Variants in FAM234B observed in about 807,000 individuals in gnomAD.
FAM234B encodes protein FAM234B.
FAM234B carries 33 observed loss-of-function variants against 69.3 expected under a neutral mutation model. The observed-to-expected ratio is 0.48, with a 90% CI of 0.36 to 0.64. The LOEUF (loss-of-function observed/expected upper bound fraction) is 0.64, where lower values mean the gene tolerates loss of function less well. Among genes scored for constraint, FAM234B ranks in the 30% least tolerant of loss-of-function variants. FAM234B has a pLI of 0.00. For synonymous variants in FAM234B, 306 were observed against 306.9 expected, an observed-to-expected ratio of 1.00 and a Z score of 0.03; for missense variants, 697 against 769.7, an observed-to-expected ratio of 0.91 and a Z score of 1.12.
At position 13,082,987 on chromosome 12, in the gene FAM234B, C is replaced by A. The variant is rs1016003601; in HGVS notation, c.*2357C>A. The A allele has an allele frequency of 3.3e-5, 5 of 152,186 alleles. No homozygotes were observed. The highest frequency in any genetic ancestry group is 1.2e-4 in the African/African-American group (5 of 41,432). 9.4% of individuals were successfully genotyped at this position (152,186 alleles called of 1,614,324 possible). ...CAAACAACATTATAAGTTTAGTTTT[C>A]TTCTTCCTCTTGCAGCCGGTACAGA... On this transcript the variant is annotated 3_prime_UTR_variant, in exon 13 of 13. Coordinates refer to ENST00000197268, the MANE Select transcript of FAM234B (RefSeq NM_020853.2).
chr12:13,055,057 T>C (rs976602821), intron 1 of FAM234B, among the ~76,000 whole-genome samples: 2 of 152,192 alleles, frequency 1.3e-5, no homozygotes, highest in Non-Finnish European at 2.9e-5. Flanking sequence ...GTTGTTTCCA[T>C]AGAAACAGTT....
chr12:13,048,994 T>G (rs1274887879), intron 1 of FAM234B, among the ~76,000 whole-genome samples: 1 of 152,148 alleles, frequency 6.6e-6, no homozygotes, highest in African/African-American at 2.4e-5. Context: ...GATTCAGTTA[T>G]CTCCCACTGG....
rs1864968408 is a variant in FAM234B, at chr12:13,059,970, CTG to C, written c.532+1423_532+1424del. Among the ~76,000 whole-genome samples the C allele has an allele frequency of 2.6e-5, 4 of 152,338 alleles. No homozygotes were observed. In the South Asian group the frequency reaches 8.3e-4, roughly 32 times the overall value. On this transcript the variant is annotated intron_variant, in intron 3 of 12. Transcript: ENST00000197268. ...TGGACCAGGCTGATTTGGCCACAGA[CTG>C]TACAAATAAGGATATAGCGAACATA...
At chr12:13,072,908 T>G (rs964966508) in intron 10 of FAM234B, among the ~76,000 whole-genome samples, 6 of 152,098 alleles carry the variant, frequency 3.9e-5, no homozygotes, top group Non-Finnish European at 7.4e-5. Flanking sequence ...GAGAGCCCTT[T>G]AAAGATTTCT....
intron 1 of FAM234B, among the ~76,000 whole-genome samples, chr12:13,053,934 A>T (rs542348159): frequency 6.6e-6 from 1 of 152,248 alleles, no homozygotes. Context: ...TAATTCAGTG[A>T]TATCTTCCCT....
chr12:13,076,277 G>C, intron 11 of FAM234B, 134 bp downstream of exon 11: 1 of 705,362 alleles, frequency 1.4e-6, no homozygotes, highest in Non-Finnish European at 2.5e-6. Context: ...ACTTTCCCTG[G>C]TGTCCCTGGT....
chr12:13,047,122 G>A lies in FAM234B; in HGVS notation c.37+2682G>A, dbSNP rs531633298. ...TTGATGTAATAGTGAGCTATTGACAGATCTCAGCAGTCTTGTTATGAAAGA... is the reference window on the plus strand; with the variant it reads ...TTGATGTAATAGTGAGCTATTGACAAATCTCAGCAGTCTTGTTATGAAAGA... On this transcript the variant is annotated intron_variant, in intron 1 of 12. Transcript: ENST00000197268. Among the ~76,000 whole-genome samples, 13 of 152,304 alleles carry A rather than the reference G, an allele frequency of 8.5e-5. No homozygotes were observed. The East Asian group carries it at 2.5e-3, about 29-fold the overall frequency.
intron 1 of FAM234B, 132 bp from the exon 2 acceptor site, chr12:13,055,419 C>A: frequency 1.1e-6 from 1 of 875,840 alleles, no homozygotes; most frequent in South Asian, 2.2e-5. Flanking sequence ...CACCAAGGTT[C>A]AAACTTGATG....
intron 10 of FAM234B, among the ~76,000 whole-genome samples, chr12:13,071,905 C>T (rs972710348): frequency 2.0e-5 from 3 of 152,158 alleles, no homozygotes; most frequent in Non-Finnish European, 4.4e-5. Flanking sequence ...GAAGGTCTGA[C>T]ACCTAGAAGG....
At chr12:13,059,512 A>G (rs1399908095) in intron 3 of FAM234B, among the ~76,000 whole-genome samples, 1 of 152,200 alleles carries the variant, frequency 6.6e-6, no homozygotes, top group African/African-American at 2.4e-5. Context: ...TAAGTACACA[A>G]GGCTTTTGGT....
intron 1 of FAM234B, among the ~76,000 whole-genome samples, chr12:13,046,632 G>C (rs1864815989): frequency 6.6e-6 from 1 of 152,030 alleles, no homozygotes; most frequent in Non-Finnish European, 1.5e-5. Context: ...AGCTAATTTT[G>C]TATTTTTAGT....
chr12:13,072,869 C>G (rs1379625593), intron 10 of FAM234B, among the ~76,000 whole-genome samples: 1 of 152,014 alleles, frequency 6.6e-6, no homozygotes, highest in African/African-American at 2.4e-5. Context: ...TCAATGCAGT[C>G]TTTTTTTACA....
At chr12:13,056,931 G>T (rs7963117) in intron 2 of FAM234B, among the ~76,000 whole-genome samples, 35,564 of 148,892 alleles carry the variant, frequency 0.24, 5,086 homozygotes, top group East Asian at 0.53. Flanking sequence ...ACTTTTGCTG[G>T]TTTTTAAATT....
chr12:13,080,676 C>G lies in FAM234B; in HGVS notation c.*46C>G, dbSNP rs775429873. The G allele has an allele frequency of 1.3e-6, 2 of 1,487,500 alleles. No homozygotes were observed. Among genetic ancestry groups the G allele is most frequent in the South Asian group, 2.3e-5 (2 of 87,806 alleles). The allele number at this position is 1,487,500 out of a possible 1,614,324, so 92.1% of individuals were successfully genotyped here. A position where few individuals can be genotyped will look rare whatever the true frequency, so the allele number is the denominator to read the frequency against. ...CAGAAGAAGTGAACAGAGTGGATACCCTCTCTACTCTCCTGTCACTGTAAA... is the reference window on the plus strand; with the variant it reads ...CAGAAGAAGTGAACAGAGTGGATACGCTCTCTACTCTCCTGTCACTGTAAA... On this transcript the variant is annotated 3_prime_UTR_variant, in exon 13 of 13. Transcript: ENST00000197268.
rs200855366 is a variant in FAM234B, at chr12:13,055,813, A to G, written c.300A>G (p.Ser100=). The G allele has an allele frequency of 1.3e-5, 21 of 1,614,106 alleles. No individual in the cohort carries two copies. In the East Asian group the frequency reaches 4.2e-4, roughly 33 times the overall value. The change falls in exon 2 of 13, where the codon TCA becomes TCG. Residue 100 remains serine (S), a synonymous_variant. Transcript: ENST00000197268. The part of the protein sequence containing the change: ...LEQKAASSLV[S]YVRTSVFLLT... ...AGAAGGCGGCCTCCTCCCTGGTGTC[A>G]TATGTGCGCACGTCTGTCTTCCTGC... is the stretch of plus-strand genomic sequence containing the variant.
At chr12:13,077,877 C>T (rs952385314) in intron 11 of FAM234B, among the ~76,000 whole-genome samples, 17 of 152,324 alleles carry the variant, frequency 1.1e-4, no homozygotes, top group Middle Eastern at 3.4e-3. Context: ...AACTAGTTTA[C>T]AGTCCCAACA....
At position 13,079,768 on chromosome 12, in the gene FAM234B, CTT is replaced by C. The variant is rs764798405; in HGVS notation, c.1643-20_1643-19del. The C allele has an allele frequency of 6.5e-7, 1 of 1,534,998 alleles. No individual in the cohort carries two copies. Among genetic ancestry groups the C allele is most frequent in the Non-Finnish European group, 9.0e-7 (1 of 1,109,198 alleles). On this transcript the variant is annotated intron_variant, in intron 11 of 12. Coordinates refer to ENST00000197268, the MANE Select transcript of FAM234B (RefSeq NM_020853.2). ...ACGGTATGTGTCCATGTTAACTGCT[CTT>C]GTTTTTGTCCTTCCTCAGTTGGAAT...
Sources: gnomAD v4.1 joint callset for allele counts (sites outside exome capture counted in the v4.1 genomes callset) on GRCh38, gnomAD v4.1.1 for gene constraint, MANE v1.5 for transcripts, NCBI Gene and HGNC (gene_info 2026-07-23, HGNC 2026-07-21) for gene names.